PREX1: variants seen among roughly 807,000 people sequenced by gnomAD.
PREX1 encodes phosphatidylinositol-3,4,5-trisphosphate dependent Rac exchange factor 1.
Under a neutral mutation model 198.3 loss-of-function variants are expected in PREX1, and 41 were observed. That is an observed-to-expected ratio of 0.21 (90% CI 0.16 to 0.27). PREX1 has a LOEUF of 0.27. Among genes scored for constraint, PREX1 ranks in the 10% least tolerant of loss-of-function variants. The probability of loss-of-function intolerance (pLI) is 1.00; values close to 1 mark genes in which losing one functional copy is unlikely to be tolerated. For synonymous variants in PREX1, 843 were observed against 887.2 expected, an observed-to-expected ratio of 0.95 and a Z score of 0.89; for missense variants, 1,620 against 2,200.7, an observed-to-expected ratio of 0.74 and a Z score of 5.28.
chr20:48,813,662 G>A (rs1362543004), intron 1 of PREX1, among the ~76,000 whole-genome samples: 1 of 152,094 alleles, frequency 6.6e-6, no homozygotes, highest in Non-Finnish European at 1.5e-5. Flanking sequence ...GATGGAGACA[G>A]GGAAGAAGAA....
chr20:48,814,412 G>A (rs1231861283), intron 1 of PREX1, among the ~76,000 whole-genome samples: 2 of 152,208 alleles, frequency 1.3e-5, no homozygotes, highest in Non-Finnish European at 2.9e-5. Flanking sequence ...GGGACTAGAA[G>A]GCTCTCTGAG....
intron 30 of PREX1, among the ~76,000 whole-genome samples, chr20:48,638,171 T>C (rs570633317): frequency 4.0e-5 from 6 of 151,826 alleles, no homozygotes; most frequent in African/African-American, 1.2e-4. Context: ...CATATACTCA[T>C]ACGTAGACTC....
chr20:48,690,900 C>A (rs767276465), intron 9 of PREX1, 47 bp downstream of exon 9: 1 of 1,610,736 alleles, frequency 6.2e-7, no homozygotes. Flanking sequence ...GAAGAAGCCA[C>A]GCATAGCTCA....
At chr20:48,850,551 A>C in the PREX1 span, among the ~76,000 whole-genome samples, 1 of 152,150 alleles carries the variant, frequency 6.6e-6, no homozygotes, top group Non-Finnish European at 1.5e-5. Flanking sequence ...AGGAGCTGCC[A>C]ACTGCTCTTC....
chr20:48,774,298 G>A (rs1192425250), intron 1 of PREX1, among the ~76,000 whole-genome samples: 1 of 152,224 alleles, frequency 6.6e-6, no homozygotes, highest in Non-Finnish European at 1.5e-5. Flanking sequence ...GCCTGGAGGA[G>A]GACACCAGAG....
chr20:48,749,531 G>A (rs921090405), intron 1 of PREX1, among the ~76,000 whole-genome samples: 1 of 152,224 alleles, frequency 6.6e-6, no homozygotes, highest in Non-Finnish European at 1.5e-5. Flanking sequence ...GAGCAGGTAA[G>A]CAGAGAGGAG....
rs543986906 is a variant in PREX1, at chr20:48,704,497, A to G, written c.784-3611T>C. On this transcript the variant is annotated intron_variant, in intron 6 of 39. Coordinates refer to ENST00000371941, the MANE Select transcript of PREX1 (RefSeq NM_020820.4). ...CCAGGGCTGCCAGAGCCAGAGCCAGAGCCAGAAAATGGAGTGCCTTCCTTC... is the reference window on the plus strand; with the variant it reads ...CCAGGGCTGCCAGAGCCAGAGCCAGGGCCAGAAAATGGAGTGCCTTCCTTC... Among the ~76,000 whole-genome samples, 9 of 150,232 alleles carry G rather than the reference A, an allele frequency of 6.0e-5. 2 individuals carry two copies. The highest frequency in any genetic ancestry group is 2.2e-4 in the African/African-American group (9 of 41,320).
intron 7 of PREX1, among the ~76,000 whole-genome samples, chr20:48,697,195 A>G (rs963167642): frequency 1.4e-4 from 21 of 152,078 alleles, no homozygotes; most frequent in African/African-American, 4.8e-4. Context: ...TTGACCACGC[A>G]CCAGGCCTTA....
At chr20:48,727,020 C>T (rs2090013618) in intron 4 of PREX1, among the ~76,000 whole-genome samples, 1 of 152,206 alleles carries the variant, frequency 6.6e-6, no homozygotes, top group South Asian at 2.1e-4. Flanking sequence ...TATGAAGCCA[C>T]TTACAGAGAT....
At chr20:48,768,081 A>T (rs144080865) in intron 1 of PREX1, among the ~76,000 whole-genome samples, 1 of 152,308 alleles carries the variant, frequency 6.6e-6, no homozygotes, top group Non-Finnish European at 1.5e-5. Context: ...GATGCTGAAT[A>T]AATACTGGTT....
At chr20:48,681,033 G>A (rs991998484) in intron 11 of PREX1, among the ~76,000 whole-genome samples, 1 of 152,202 alleles carries the variant, frequency 6.6e-6, no homozygotes, top group African/African-American at 2.4e-5. Context: ...CCTGCCCCCA[G>A]GTTTTTGAGG....
intron 4 of PREX1, among the ~76,000 whole-genome samples, chr20:48,730,831 CA>C (rs574961821): frequency 2.7e-5 from 4 of 147,498 alleles, no homozygotes; most frequent in East Asian, 2.0e-4. Context: ...CCCATCTCCA[CA>C]AAAAAAAAAT....
chr20:48,680,646 G>A (rs2089743476), intron 11 of PREX1, among the ~76,000 whole-genome samples: 1 of 151,776 alleles, frequency 6.6e-6, no homozygotes, highest in East Asian at 2.0e-4. Context: ...TGTTCCCTCT[G>A]CCTGGAACCA....
chr20:48,641,576 C>T (rs2089410260), intron 29 of PREX1, among the ~76,000 whole-genome samples: 1 of 150,938 alleles, frequency 6.6e-6, no homozygotes, highest in African/African-American at 2.4e-5. Flanking sequence ...CACTTGAGCC[C>T]AGGAGTTCAA....
Position 48,751,766 on chromosome 20 carries a change from C to T in PREX1, c.220-3886G>A, listed in dbSNP as rs529999432. Among the ~76,000 whole-genome samples the T allele has an allele frequency of 4.3e-4, 66 of 152,354 alleles. 1 individual carries two copies. Among genetic ancestry groups the T allele is most frequent in the African/African-American group, 1.6e-3 (65 of 41,584 alleles). On this transcript the variant is annotated intron_variant, in intron 1 of 39. Transcript: ENST00000371941. ...TGAGAAACTCCTCCAGCCTCGGAAG[C>T]TTTGCCCATGCCTGGACCACTTGTC...
intron 17 of PREX1, 151 bp downstream of exon 17, chr20:48,657,985 T>C (rs766418841): frequency 3.8e-6 from 3 of 798,272 alleles, no homozygotes; most frequent in East Asian, 2.5e-5. Flanking sequence ...CAGTGGGTCC[T>C]GGACTCAGTT....
chr20:48,857,424 G>A, the PREX1 span, among the ~76,000 whole-genome samples: 29 of 152,314 alleles, frequency 1.9e-4, no homozygotes, highest in East Asian at 4.6e-3. Context: ...GCTCATGCCT[G>A]TAATCCCAGC....
chr20:48,736,462 TCTGCAGTCCA>T (rs2090057526), intron 3 of PREX1, among the ~76,000 whole-genome samples: 1 of 152,162 alleles, frequency 6.6e-6, no homozygotes, highest in African/African-American at 2.4e-5. Flanking sequence ...TCATCAAGTA[TCTGCAGTCCA>T]CTGAGATGCC....
intron 33 of PREX1, among the ~76,000 whole-genome samples, chr20:48,633,404 T>C (rs1229836422): frequency 2.0e-5 from 3 of 152,234 alleles, no homozygotes; most frequent in Non-Finnish European, 2.9e-5. Context: ...CGTAGTAGTA[T>C]AATTTCATGG....
Sources: allele counts gnomAD v4.1 joint callset (sites outside exome capture counted in the v4.1 genomes callset), GRCh38; gene constraint gnomAD v4.1.1; transcripts MANE v1.5; gene names NCBI Gene and HGNC (gene_info 2026-07-23, HGNC 2026-07-21).